The following LCTL variants were observed in gnomAD, a reference collection of about 807,000 sequenced individuals.
LCTL encodes lactase like.
A neutral mutation model predicts 75.8 loss-of-function variants in LCTL; 76 were observed. The observed-to-expected ratio is 1.00, with a 90% CI of 0.83 to 1.21. The LOEUF is 1.21. Ranked by LOEUF, LCTL falls within the 50% of genes most tolerant of loss-of-function variation. The pLI, the probability that LCTL is intolerant of heterozygous loss-of-function variation, is 0.00. For missense variants in LCTL, 670 were observed against 712.4 expected (o/e 0.94, Z 0.68); for synonymous variants, 271 against 268.8 (o/e 1.01, Z -0.08).
intron 4 of LCTL, among the ~76,000 whole-genome samples, chr15:66,561,823 C>T (rs1434627802): frequency 6.6e-6 from 1 of 152,172 alleles, no homozygotes; most frequent in Non-Finnish European, 1.5e-5. Flanking sequence ...CTGCTCTGCC[C>T]TCCTGCCCAG....
At chr15:66,563,912 T>C in exon 3 of LCTL, 1 of 1,613,542 alleles carries the variant, frequency 6.2e-7, no homozygotes, top group South Asian at 1.1e-5. Context: ...CTAGCTCACC[T>C]CGGATGCCTG....
exon 8 of LCTL, chr15:66,557,740 C>T (rs764493723): frequency 1.2e-6 from 2 of 1,613,978 alleles, no homozygotes; most frequent in Non-Finnish European, 1.7e-6. Flanking sequence ...TCCTTCATGA[C>T]TTGGGGGTAG....
At chr15:66,557,632 T>G in intron 8 of LCTL, 90 bp downstream of exon 9, 4 of 1,323,502 alleles carry the variant, frequency 3.0e-6, no homozygotes, top group Non-Finnish European at 4.2e-6. Context: ...CCAGGCCCAG[T>G]GAGCTCTTCA....
At chr15:66,558,748 T>A (rs1330655491) in intron 6 of LCTL, among the ~76,000 whole-genome samples, 1 of 146,386 alleles carries the variant, frequency 6.8e-6, no homozygotes, top group Non-Finnish European at 1.5e-5. Context: ...CAGGCTGGAG[T>A]GCAGTGGTAC....
chr15:66,562,136 C>T (rs1895903488), intron 4 of LCTL, among the ~76,000 whole-genome samples: 1 of 152,196 alleles, frequency 6.6e-6, no homozygotes, highest in Admixed American at 6.5e-5. Flanking sequence ...GGCGCAGTGG[C>T]TCACGCCTGT....
chr15:66,563,606 C>A, exon 4 of LCTL: 3 of 1,610,658 alleles, frequency 1.9e-6, no homozygotes, highest in South Asian at 1.1e-5. Flanking sequence ...ATTCGATTCC[C>A]TTCTTGTTCA....
At chr15:66,549,336 T>A (rs1895506350) in intron 12 of LCTL, 1 of 152,222 alleles carries the variant, frequency 6.6e-6, no homozygotes, top group African/African-American at 2.4e-5. Flanking sequence ...GCATGTTGCT[T>A]TATTGGCCTG....
intron 9 of LCTL, 128 bp downstream of exon 10, chr15:66,552,856 G>T: frequency 1.3e-6 from 1 of 769,524 alleles, no homozygotes; most frequent in Non-Finnish European, 1.9e-6. Context: ...ACATTTAGTA[G>T]CCTCTGAAGT....
At chr15:66,554,500 G>A (rs760163339) in intron 8 of LCTL, among the ~76,000 whole-genome samples, 1 of 152,106 alleles carries the variant, frequency 6.6e-6, no homozygotes, top group African/African-American at 2.4e-5. Context: ...AGCTGCCTTT[G>A]GGAAGGGAAC....
At chr15:66,563,983 G>A (rs2140854700) in exon 3 of LCTL, 1 of 1,613,618 alleles carries the variant, frequency 6.2e-7, no homozygotes, top group Middle Eastern at 1.7e-4. Flanking sequence ...AGTTCCCTCA[G>A]CAGAATGATG....
intron 2 of LCTL, 38 bp from the exon 4 acceptor site, chr15:66,564,036 C>T: frequency 7.1e-7 from 1 of 1,402,318 alleles, no homozygotes; most frequent in Non-Finnish European, 1.0e-6. Context: ...TCACCTGGGC[C>T]CTGGGTATGG....
At chr15:66,552,466 T>C (rs976293925) in intron 9 of LCTL, among the ~76,000 whole-genome samples, 9 of 151,006 alleles carry the variant, frequency 6.0e-5, no homozygotes, top group African/African-American at 2.2e-4. Context: ...AGGTCAGGAG[T>C]TTGAGACCAG....
intron 8 of LCTL, among the ~76,000 whole-genome samples, chr15:66,555,202 G>A (rs1197120104): frequency 6.6e-6 from 1 of 152,116 alleles, no homozygotes; most frequent in Non-Finnish European, 1.5e-5. Context: ...AAAGCCACCA[G>A]CTATCGTCAT....
chr15:66,561,062 G>C, exon 6 of LCTL: 5 of 1,614,192 alleles, frequency 3.1e-6, no homozygotes, highest in Non-Finnish European at 4.2e-6. Context: ...TTCAGGCCCG[G>C]CGCATGGTGG....
At chr15:66,565,966 C>T (rs1040856361), upstream of LCTL, 1 of 152,496 alleles carries the variant, frequency 6.6e-6, no homozygotes, top group Non-Finnish European at 1.5e-5. Context: ...AGCCACAGCA[C>T]AGCCGAAGGC....
At chr15:66,557,989 C>T in exon 7 of LCTL, 2 of 1,607,654 alleles carry the variant, frequency 1.2e-6, no homozygotes, top group Non-Finnish European at 8.5e-7. Flanking sequence ...CACCTTGCTG[C>T]TTGCTGCGCC....
upstream of LCTL, chr15:66,565,530 C>G: frequency 1.7e-6 from 1 of 574,486 alleles, no homozygotes; most frequent in Admixed American, 3.6e-5. Context: ...GGCTGGATGT[C>G]TGATGCTGTT....
intron 8 of LCTL, among the ~76,000 whole-genome samples, chr15:66,556,773 C>T (rs1193818939): frequency 6.6e-6 from 1 of 152,102 alleles, no homozygotes; most frequent in African/African-American, 2.4e-5. Context: ...ACTGTGGAAT[C>T]GTGGTTGCCA....
chr15:66,553,679 C>T (rs945913722), intron 8 of LCTL, among the ~76,000 whole-genome samples: 1 of 150,192 alleles, frequency 6.7e-6, no homozygotes, highest in East Asian at 2.0e-4. Context: ...GGCGTGAATC[C>T]AGGAGGTGGA....
Sources: gnomAD v4.1 joint callset for allele counts (sites outside exome capture counted in the v4.1 genomes callset) on GRCh38, gnomAD v4.1.1 for gene constraint, MANE v1.5 for transcripts, NCBI Gene and HGNC (gene_info 2026-07-23, HGNC 2026-07-21) for gene names.